The following FSTL5 variants were observed in gnomAD, a reference collection of about 807,000 sequenced individuals.
The protein encoded by FSTL5 is follistatin like 5, also known as follistatin-related protein 5.
A neutral mutation model predicts 89.1 loss-of-function variants in FSTL5; 62 were observed. The ratio of observed to expected loss-of-function variants is 0.70; its 90% CI spans 0.57 to 0.86. The LOEUF (loss-of-function observed/expected upper bound fraction) is 0.86, where lower values mean the gene tolerates loss of function less well. Among genes scored for constraint, FSTL5 ranks in the 40% least tolerant of loss-of-function variants. FSTL5 has a pLI of 0.00. For synonymous variants in FSTL5, 383 were observed against 346.2 expected (o/e 1.11, Z -1.18); for missense variants, 1,057 against 1,001.6 (o/e 1.06, Z -0.75).
chr4:161,539,270 G>A (rs1220026750), intron 9 of FSTL5, among the ~76,000 whole-genome samples: 10 of 151,612 alleles, frequency 6.6e-5, no homozygotes, highest in Admixed American at 1.3e-4. Context: ...GCAGTAGAAC[G>A]GGAAATGACT....
intron 5 of FSTL5, among the ~76,000 whole-genome samples, chr4:161,769,635 C>T (rs1297869410): frequency 6.6e-6 from 1 of 151,880 alleles, no homozygotes; most frequent in Non-Finnish European, 1.5e-5. Flanking sequence ...TAATATTCAA[C>T]ACCCTTCATG....
intron 4 of FSTL5, among the ~76,000 whole-genome samples, chr4:161,798,006 A>G (rs1042719593): frequency 5.9e-5 from 9 of 151,620 alleles, no homozygotes; most frequent in Admixed American, 4.6e-4. Flanking sequence ...GTTAGACCTC[A>G]TTTATCCCAT....
chr4:161,783,925 C>T (rs1260771174), intron 4 of FSTL5, among the ~76,000 whole-genome samples: 1 of 148,664 alleles, frequency 6.7e-6, no homozygotes, highest in Non-Finnish European at 1.5e-5. Flanking sequence ...ACCACCATGC[C>T]TGGCTAATTA....
intron 8 of FSTL5, among the ~76,000 whole-genome samples, chr4:161,567,099 C>T (rs13107704): frequency 0.31 from 46,354 of 151,632 alleles, 7,721 homozygotes; most frequent in Non-Finnish European, 0.38. Flanking sequence ...GATCACTGCC[C>T]GAACCATCTG....
intron 5 of FSTL5, among the ~76,000 whole-genome samples, chr4:161,766,536 T>C (rs1195668351): frequency 6.6e-6 from 1 of 152,186 alleles, no homozygotes; most frequent in African/African-American, 2.4e-5. Context: ...CAGTTTCCAG[T>C]TTGGCCCCAA....
At chr4:161,872,897 T>C (rs1732320811) in intron 4 of FSTL5, among the ~76,000 whole-genome samples, 1 of 151,966 alleles carries the variant, frequency 6.6e-6, no homozygotes, top group Admixed American at 6.6e-5. Context: ...TTGACTGAAA[T>C]AAAGGAGACT....
At chr4:161,734,972 A>G (rs1283137262) in intron 6 of FSTL5, among the ~76,000 whole-genome samples, 2 of 152,150 alleles carry the variant, frequency 1.3e-5, no homozygotes, top group Non-Finnish European at 2.9e-5. Flanking sequence ...CATTTCCAAC[A>G]GTTCCTACCT....
At chr4:161,521,865 GA>G (rs751284853) in intron 10 of FSTL5, among the ~76,000 whole-genome samples, 2,295 of 120,294 alleles carry the variant, frequency 0.019, 126 homozygotes, top group African/African-American at 0.049. Context: ...AAAAAAAAAA[GA>G]AAAAAAAAGA....
chr4:161,891,525 C>T (rs1282147248), intron 4 of FSTL5, among the ~76,000 whole-genome samples: 12 of 152,006 alleles, frequency 7.9e-5, no homozygotes, highest in Non-Finnish European at 1.3e-4. Context: ...AATAAAATCA[C>T]GTCTCATAAG....
chr4:162,010,045 C>T lies in FSTL5; in HGVS notation c.160+23580G>A, dbSNP rs75786099. ...CTTATCCCCTTGTACACACTATGAA[C>T]ATAAGTAGAGATTCTGAATGATTTC... On this transcript the variant is annotated intron_variant, in intron 3 of 15. Coordinates refer to ENST00000306100, the MANE Select transcript of FSTL5 (RefSeq NM_020116.5). Among the ~76,000 whole-genome samples, 116 of 150,316 alleles carry T rather than the reference C, an allele frequency of 7.7e-4. No individual in the cohort carries two copies. The East Asian group carries it at 0.021, about 27-fold the overall frequency.
intron 4 of FSTL5, among the ~76,000 whole-genome samples, chr4:161,894,831 T>C (rs1456283843): frequency 6.6e-6 from 1 of 152,216 alleles, no homozygotes; most frequent in Non-Finnish European, 1.5e-5. Flanking sequence ...ACCAGATCCC[T>C]TATTGTACAT....
intron 2 of FSTL5, among the ~76,000 whole-genome samples, chr4:162,034,587 T>C (rs975394900): frequency 5.9e-5 from 9 of 152,128 alleles, no homozygotes; most frequent in African/African-American, 1.7e-4. Flanking sequence ...AAAGTGAATA[T>C]TGTGCACTAA....
intron 3 of FSTL5, 54 bp downstream of exon 3, chr4:162,033,571 T>C (rs72980606): frequency 0.017 from 16,305 of 935,528 alleles, 889 homozygotes; most frequent in African/African-American, 0.15. Flanking sequence ...ACATATCTTT[T>C]TTCTTTCTGT....
At chr4:162,046,251 T>C (rs193230758) in intron 2 of FSTL5, among the ~76,000 whole-genome samples, 1 of 152,268 alleles carries the variant, frequency 6.6e-6, no homozygotes, top group East Asian at 1.9e-4. Context: ...GACAAATAGC[T>C]ATTACTTACA....
At chr4:161,752,006 C>T (rs887039777) in intron 6 of FSTL5, among the ~76,000 whole-genome samples, 7 of 152,048 alleles carry the variant, frequency 4.6e-5, no homozygotes, top group African/African-American at 1.7e-4. Flanking sequence ...ATTATCAATG[C>T]CTTTGTGTTT....
chr4:161,549,289 T>A (rs1231123585), intron 8 of FSTL5, among the ~76,000 whole-genome samples: 3 of 151,666 alleles, frequency 2.0e-5, no homozygotes, highest in African/African-American at 7.3e-5. Flanking sequence ...TATTTTAAGG[T>A]TTTGAAAATC....
chr4:161,816,910 T>C (rs1216195143), intron 4 of FSTL5, among the ~76,000 whole-genome samples: 2 of 152,218 alleles, frequency 1.3e-5, no homozygotes, highest in Non-Finnish European at 1.5e-5. Flanking sequence ...ATGTAATTAA[T>C]CTGTGTCTAT....
At chr4:162,147,788 G>A (rs1733060128) in intron 1 of FSTL5, among the ~76,000 whole-genome samples, 1 of 152,096 alleles carries the variant, frequency 6.6e-6, no homozygotes, top group African/African-American at 2.4e-5. Context: ...TGAGGTGGGT[G>A]GATCAAGAGG....
intron 3 of FSTL5, among the ~76,000 whole-genome samples, chr4:161,987,586 A>G (rs946449796): frequency 2.0e-5 from 3 of 147,548 alleles, no homozygotes; most frequent in Non-Finnish European, 3.0e-5. Flanking sequence ...AAAGAAATAT[A>G]TAATAAAATA....
Sources: allele counts gnomAD v4.1 joint callset (sites outside exome capture counted in the v4.1 genomes callset), GRCh38; gene constraint gnomAD v4.1.1; transcripts MANE v1.5; gene names NCBI Gene and HGNC (gene_info 2026-07-23, HGNC 2026-07-21).